IFT122: variants seen among roughly 807,000 people sequenced by gnomAD.
The protein encoded by IFT122 is intraflagellar transport protein 122 homolog.
A neutral mutation model predicts 161.6 loss-of-function variants in IFT122; 118 were observed. That is an observed-to-expected ratio of 0.73 (90% CI 0.63 to 0.85). The LOEUF (loss-of-function observed/expected upper bound fraction) is 0.85, where lower values mean the gene tolerates loss of function less well. Among genes scored for constraint, IFT122 ranks in the 40% least tolerant of loss-of-function variants. The pLI is 0.00. For synonymous variants in IFT122, 550 were observed against 602.4 expected (o/e 0.91, Z 1.27); for missense variants, 1,381 against 1,579.6 (o/e 0.87, Z 2.13).
At position 129,451,711 on chromosome 3, in the gene IFT122, T is replaced by A. The variant is rs565949719; in HGVS notation, c.109-203T>A. 8.5e-5 allele frequency among the ~76,000 whole-genome samples: 13 copies of A among 152,370 alleles called. 1 individual carries two copies. In the South Asian group the frequency reaches 2.7e-3, roughly 32 times the overall value. ...GATTGGTAGTATATTCCTGGTCACA[T>A]AGTACATAGACCTGGGTCCTCTACT... is the stretch of plus-strand genomic sequence containing the variant. On this transcript the variant is annotated intron_variant, in intron 2 of 29. Transcript: ENST00000348417.
intron 2 of IFT122, 93 bp downstream of exon 2, chr3:129,450,030 A>G (rs767883700): frequency 2.0e-5 from 17 of 829,604 alleles, no homozygotes; most frequent in Middle Eastern, 2.3e-4. Flanking sequence ...TTTTTTTGAG[A>G]TTAAAAAGGC....
At position 129,476,835 on chromosome 3, in the gene IFT122, C is replaced by T. The variant is rs372292147; in HGVS notation, c.1147+34C>T. The T allele has an allele frequency of 2.7e-5, 43 of 1,610,766 alleles. No homozygotes were observed. The African/African-American group carries it at 4.7e-4, about 17-fold the overall frequency. On this transcript the variant is annotated intron_variant, in intron 11 of 29. Coordinates refer to ENST00000348417, the MANE Select transcript of IFT122 (RefSeq NM_052989.3). ...CAGGTCCAGACCTTGGGAAGAGGGA[C>T]AGGTGGAAGCAGGTGGAAAGGGCTG...
At chr3:129,501,135 C>CG (rs1472359462) in intron 19 of IFT122, among the ~76,000 whole-genome samples, 1 of 152,062 alleles carries the variant, frequency 6.6e-6, no homozygotes, top group Non-Finnish European at 1.5e-5. Flanking sequence ...CCTTGGGACT[C>CG]AGCACACCGG....
chr3:129,483,606 G>A lies in IFT122; in HGVS notation c.1775G>A (p.Gly592Asp), dbSNP rs370722947. ...CCTGTGCACCGGCAGAAGCTGCAGG[G>A]CTTTGTGGTCGGCTACAATGGCTCC... Reference protein sequence around the residue: ...TFPVHRQKLQGFVVGYNGSKI... With the variant: ...TFPVHRQKLQDFVVGYNGSKI... The change falls in exon 15 of 30, where the codon GGC (glycine) becomes GAC (aspartate). Residue 592 changes from glycine (G) to aspartate (D), a missense_variant. Gly to Asp is a moderately conservative substitution (Grantham distance 94, BLOSUM62 -1). This residue lies in a region of IFT122 where 544 missense variants were observed against 648.0 expected (regional missense o/e 0.84). Transcript: ENST00000348417. 6.2e-7 allele frequency: 1 copy of A among 1,614,018 alleles called. No individual in the cohort carries two copies. The highest frequency in any genetic ancestry group is 8.5e-7 in the Non-Finnish European group (1 of 1,179,960).
At chr3:129,447,372 C>A (rs567821556) in intron 1 of IFT122, among the ~76,000 whole-genome samples, 1 of 152,242 alleles carries the variant, frequency 6.6e-6, no homozygotes, top group East Asian at 1.9e-4. Flanking sequence ...CATTTTCTGG[C>A]TGACAATTGG....
chr3:129,515,006 T>A (rs925297139), intron 25 of IFT122: 1 of 359,288 alleles, frequency 2.8e-6, no homozygotes, highest in African/African-American at 2.1e-5. Context: ...TCACACATCC[T>A]CCCTCAAGCT....
At chr3:129,461,158 A>C in intron 4 of IFT122, 70 bp from the exon 5 acceptor site, 1 of 1,293,324 alleles carries the variant, frequency 7.7e-7, no homozygotes, top group South Asian at 1.2e-5. Flanking sequence ...TCATTATTAA[A>C]ATCTTCAGTT....
At chr3:129,458,282 G>A (rs2075772448) in intron 3 of IFT122, among the ~76,000 whole-genome samples, 1 of 152,172 alleles carries the variant, frequency 6.6e-6, no homozygotes, top group South Asian at 2.1e-4. Context: ...TTAATTTGAT[G>A]TGTACTTCTT....
intron 6 of IFT122, 151 bp downstream of exon 6, chr3:129,463,777 G>C: frequency 1.5e-6 from 1 of 675,490 alleles, no homozygotes; most frequent in Non-Finnish European, 2.6e-6. Context: ...TCGTCTCCTC[G>C]ATGGGAAAGA....
chr3:129,481,146 A>G (rs1028058984), intron 13 of IFT122, among the ~76,000 whole-genome samples: 6 of 152,166 alleles, frequency 3.9e-5, no homozygotes, highest in Non-Finnish European at 5.9e-5. Context: ...ATTTTCTACC[A>G]CATGTCTTGT....
chr3:129,515,739 C>T (rs1012062857), intron 26 of IFT122, 140 bp downstream of exon 26: 26 of 766,272 alleles, frequency 3.4e-5, no homozygotes, highest in Admixed American at 2.2e-4. Context: ...GACACTCTGA[C>T]GCCCACCTAC....
At chr3:129,491,181 C>T (rs1042990051) in intron 16 of IFT122, among the ~76,000 whole-genome samples, 16 of 152,168 alleles carry the variant, frequency 1.1e-4, no homozygotes, top group African/African-American at 2.7e-4. Flanking sequence ...CAAGGCAGGC[C>T]GGGGACTTGC....
At position 129,476,402 on chromosome 3, in the gene IFT122, A is replaced by G. The variant is rs751162653; in HGVS notation, c.904A>G (p.Lys302Glu). Residue 302 changes from lysine to glutamate, a missense_variant, in exon 10 of 30, where the codon AAG (lysine) becomes GAG (glutamate). This residue lies in a region of IFT122 where 544 missense variants were observed against 648.0 expected (regional missense o/e 0.84). Transcript: ENST00000348417. ...GEYILLGGSD[K>E]QVSLFTKDGV... ...GTACATTTTGCTGGGGGGTTCAGAC[A>G]AGCAAGTATCTCTTTTCACCAAGGA... The G allele has an allele frequency of 1.2e-6, 2 of 1,614,204 alleles. No individual in the cohort carries two copies. The highest frequency in any genetic ancestry group is 1.7e-6 in the Non-Finnish European group (2 of 1,180,044).
chr3:129,506,280 A>T (rs2082180341), intron 21 of IFT122, 129 bp from the exon 22 acceptor site: 2 of 1,015,554 alleles, frequency 2.0e-6, no homozygotes, highest in Non-Finnish European at 3.1e-6. Context: ...GCAACGAAGC[A>T]CTGCAGATGC....
Position 129,519,176 on chromosome 3 carries a change from T to C in IFT122, c.3461T>C (p.Leu1154Pro). The C allele has an allele frequency of 1.9e-6, 3 of 1,613,942 alleles. No homozygotes were observed. Among genetic ancestry groups the C allele is most frequent in the Non-Finnish European group, 2.5e-6 (3 of 1,179,852 alleles). Residue 1154 changes from leucine to proline, a missense_variant, in exon 28 of 30, where the codon CTG (leucine) becomes CCG (proline). By Grantham distance (98) the Leu-to-Pro change is moderately conservative. Transcript: ENST00000348417. ...IGDEDPFTAK[L>P]SFEQGGSEFV... ...GATGAGGACCCGTTCACAGCTAAGC[T>C]GAGCTTTGAGGTGAGGGTGCCTCTC...
At chr3:129,468,448 G>T (rs1229200621) in intron 8 of IFT122, among the ~76,000 whole-genome samples, 5 of 152,002 alleles carry the variant, frequency 3.3e-5, no homozygotes, top group African/African-American at 9.7e-5. Flanking sequence ...GGTTCTAAGC[G>T]ATTCTTGTGC....
At chr3:129,471,755 A>G (rs2077393492) in intron 9 of IFT122, among the ~76,000 whole-genome samples, 1 of 152,212 alleles carries the variant, frequency 6.6e-6, no homozygotes, top group African/African-American at 2.4e-5. Flanking sequence ...TCAATATAGG[A>G]TGATGAAGTA....
rs2075232909 is a variant in IFT122 at position 129,454,516 on chromosome 3, TGTGTGTG to T, written c.193+2519_193+2525del. Among the ~76,000 whole-genome samples, 6 of 125,472 alleles carry T rather than the reference TGTGTGTG, an allele frequency of 4.8e-5. No homozygotes were observed. In the East Asian group the frequency reaches 8.9e-4, roughly 19 times the overall value. The allele number at this position is 125,472 out of a possible 152,430, so 82.3% of individuals were successfully genotyped here. Reference sequence around the variant, plus strand: ...TGCTGTACCATGGTAGTCATATTTGTGTGTGTGTGTGTGTGTGTGTGTGTGTGTGTGT... The same window carrying T: ...TGCTGTACCATGGTAGTCATATTTGTTGTGTGTGTGTGTGTGTGTGTGTGT... On this transcript the variant is annotated intron_variant, in intron 3 of 29. Coordinates refer to ENST00000348417, the MANE Select transcript of IFT122 (RefSeq NM_052989.3).
At chr3:129,481,748 C>T (rs2078674480) in intron 14 of IFT122, 54 bp downstream of exon 14, 4 of 1,588,872 alleles carry the variant, frequency 2.5e-6, no homozygotes, top group Non-Finnish European at 3.5e-6. Context: ...AGACTCTCCT[C>T]TAGCTTCCCA....
Sources: gnomAD v4.1 joint callset for allele counts (sites outside exome capture counted in the v4.1 genomes callset) on GRCh38, gnomAD v4.1.1 for gene constraint, gnomAD v4.1.1 regional missense constraint, MANE v1.5 for transcripts, NCBI Gene and HGNC (gene_info 2026-07-23, HGNC 2026-07-21) for gene names.